CDC5L: variants seen among roughly 807,000 people sequenced by gnomAD.
CDC5L encodes the protein cell division cycle 5 like.
CDC5L carries 18 observed loss-of-function variants against 104.1 expected under a neutral mutation model. That is an observed-to-expected ratio of 0.17 (90% CI 0.12 to 0.26). The LOEUF (loss-of-function observed/expected upper bound fraction) is 0.26. Among genes scored for constraint, CDC5L ranks in the 10% least tolerant of loss-of-function variants. CDC5L has a pLI of 1.00. For synonymous variants in CDC5L, 331 were observed against 322.7 expected, an observed-to-expected ratio of 1.03 and a Z score of -0.28; for missense variants, 673 against 956.9, an observed-to-expected ratio of 0.70 and a Z score of 3.91.
chr6:44,433,537 A>G (rs1282649653), intron 14 of CDC5L, among the ~76,000 whole-genome samples: 7 of 152,210 alleles, frequency 4.6e-5, no homozygotes, highest in African/African-American at 2.4e-5. Flanking sequence ...GTGTTGAGGA[A>G]GTTTGGCTGA....
chr6:44,441,217 C>G (rs1043377111), intron 14 of CDC5L, among the ~76,000 whole-genome samples: 6 of 152,202 alleles, frequency 3.9e-5, no homozygotes, highest in Admixed American at 3.9e-4. Flanking sequence ...TTTCTAGATT[C>G]CATATACAAG....
chr6:44,396,583 G>T (rs1439329372), intron 5 of CDC5L, 143 bp downstream of exon 5: 3 of 583,134 alleles, frequency 5.1e-6, no homozygotes, highest in Non-Finnish European at 9.3e-6. Flanking sequence ...GCAGTGGATA[G>T]CTGGGTGTCC....
intron 7 of CDC5L, among the ~76,000 whole-genome samples, chr6:44,407,051 A>G (rs1270892238): frequency 6.6e-6 from 1 of 152,214 alleles, no homozygotes. Context: ...TTTGGTAAGT[A>G]ATTATCAGCT....
At chr6:44,437,405 C>A (rs1360832557) in intron 14 of CDC5L, among the ~76,000 whole-genome samples, 1 of 152,094 alleles carries the variant, frequency 6.6e-6, no homozygotes, top group Non-Finnish European at 1.5e-5. Flanking sequence ...ATATTAAAAG[C>A]TGTAGTCCAT....
rs1351330069 is a variant in CDC5L at position 44,426,542 on chromosome 6, A to G, written c.1711A>G (p.Ser571Gly). 6.2e-7 allele frequency: 1 copy of G among 1,604,312 alleles called. No individual in the cohort carries two copies. Among genetic ancestry groups the G allele is most frequent in the South Asian group, 1.1e-5 (1 of 90,858 alleles). The change falls in exon 13 of 16, where the codon AGT becomes GGT. Residue 571 changes from serine (S) to glycine (G), a missense_variant. Around this residue, in one of 4 missense-constraint regions of CDC5L, gnomAD observed 578 missense variants for 737.0 expected, o/e 0.78. Coordinates refer to ENST00000371477, the MANE Select transcript of CDC5L (RefSeq NM_001253.4). ...VEPPLTDLQK[S>G]EELIKKEMIT... ...ACCGCCTTTAACAGATTTACAGAAA[A>G]GTGAAGAACTAATCAAAAAAGAAAT...
In CDC5L at chr6:44,406,416, T is replaced by A; in HGVS notation, c.852T>A (p.Gly284=). 1 of 1,611,352 alleles carries A rather than the reference T, an allele frequency of 6.2e-7. No homozygotes were observed. Among genetic ancestry groups the A allele is most frequent in the Non-Finnish European group, 8.5e-7 (1 of 1,178,988 alleles). Residue 284 remains glycine, a synonymous_variant, in exon 7 of 16, where the codon GGT becomes GGA. Transcript: ENST00000371477. The stretch of plus-strand genomic sequence containing the variant: ...CATCAGCTATTCTTCAAACTAGTGG[T>A]GTTTCTGAATTTACTAAAAAGAGAA... ...DLPSAILQTS[G]VSEFTKKRSK...
At chr6:44,436,624 T>C (rs1358940411) in intron 14 of CDC5L, among the ~76,000 whole-genome samples, 1 of 152,224 alleles carries the variant, frequency 6.6e-6, no homozygotes, top group Non-Finnish European at 1.5e-5. Flanking sequence ...TTTTCAAATG[T>C]ACCCCAGAGT....
At chr6:44,429,283 G>A (rs1417325581) in intron 13 of CDC5L, among the ~76,000 whole-genome samples, 1 of 152,086 alleles carries the variant, frequency 6.6e-6, no homozygotes, top group Non-Finnish European at 1.5e-5. Context: ...GCCTCCCGAA[G>A]TGCTGGGATC....
At chr6:44,444,629 A>C (rs970787418) in intron 14 of CDC5L, among the ~76,000 whole-genome samples, 2 of 151,834 alleles carry the variant, frequency 1.3e-5, no homozygotes, top group African/African-American at 4.8e-5. Context: ...TTTTGGAGAG[A>C]AAATGAGAGC....
chr6:44,398,603 TATTG>T lies in CDC5L; in HGVS notation c.539+2167_539+2170del, dbSNP rs1172182503. ...TACCTTGTAACTTAAAGCAGTTTTT[TATTG>T]ATTATAAAAGTAACACATTTTTCCT... On this transcript the variant is annotated intron_variant, in intron 5 of 15. Coordinates refer to ENST00000371477, the MANE Select transcript of CDC5L (RefSeq NM_001253.4). Among the ~76,000 whole-genome samples, 5 of 152,220 alleles carry T rather than the reference TATTG, an allele frequency of 3.3e-5. 1 individual carries two copies. Among genetic ancestry groups the T allele is most frequent in the Admixed American group, 1.3e-4 (2 of 15,276 alleles).
At position 44,408,628 on chromosome 6, in the gene CDC5L, T is replaced by C. The variant is rs1441916334; in HGVS notation, c.1088T>C (p.Leu363Pro). Residue 363 changes from leucine to proline, a missense_variant, in exon 8 of 16, where the codon CTG becomes CCG. By Grantham distance (98) the Leu-to-Pro change is moderately conservative. This residue lies in a region of CDC5L where 578 missense variants were observed against 737.0 expected (regional missense o/e 0.78). Coordinates refer to ENST00000371477, the MANE Select transcript of CDC5L (RefSeq NM_001253.4). ...ACACCAGCTTCCCAGGACAGAATTCTGCAGGTAACGTGTCACGTAGTAGAA... is the reference window on the plus strand; with the variant it reads ...ACACCAGCTTCCCAGGACAGAATTCCGCAGGTAACGTGTCACGTAGTAGAA... ...PRTPASQDRILQEAQNLMALT... is the reference protein window; with the variant it reads ...PRTPASQDRIPQEAQNLMALT... 6.3e-7 allele frequency: 1 copy of C among 1,594,456 alleles called. No individual in the cohort carries two copies.
At chr6:44,435,253 C>CT in intron 14 of CDC5L, among the ~76,000 whole-genome samples, 1 of 151,580 alleles carries the variant, frequency 6.6e-6, no homozygotes, top group East Asian at 1.9e-4. Context: ...TAAGTGGAAC[C>CT]TTTTTTTCTG....
In CDC5L at chr6:44,387,749, G is replaced by T. The variant is rs941750324; in HGVS notation, c.-75G>T. 7.5e-7 allele frequency: 1 copy of T among 1,341,432 alleles called. No individual in the cohort carries two copies. 83.1% of individuals were successfully genotyped at this position (1,341,432 alleles called of 1,614,324 possible). ...CGCTTGGAGGAAGTGGCGGCTTTGA[G>T]TCCGGTGGCCCAATCGCTGTTACTA... On this transcript the variant is annotated 5_prime_UTR_variant, in exon 1 of 16. Transcript: ENST00000371477.
chr6:44,401,219 C>G (rs980914907), intron 5 of CDC5L, among the ~76,000 whole-genome samples: 2 of 152,162 alleles, frequency 1.3e-5, no homozygotes, highest in Admixed American at 6.5e-5. Context: ...CAGGACATGT[C>G]TCCAAGTGAC....
At chr6:44,419,112 T>C (rs1008763546) in intron 8 of CDC5L, among the ~76,000 whole-genome samples, 3 of 152,164 alleles carry the variant, frequency 2.0e-5, no homozygotes, top group African/African-American at 7.2e-5. Flanking sequence ...GGTTTTCTTC[T>C]AGGGTTTTTA....
At chr6:44,420,682 A>G (rs1050261357) in intron 9 of CDC5L, among the ~76,000 whole-genome samples, 1 of 152,128 alleles carries the variant, frequency 6.6e-6, no homozygotes, top group Non-Finnish European at 1.5e-5. Flanking sequence ...TTGAGCACCA[A>G]CATGACACTC....
At chr6:44,411,272 A>G (rs1047713032) in intron 8 of CDC5L, among the ~76,000 whole-genome samples, 2 of 152,062 alleles carry the variant, frequency 1.3e-5, no homozygotes, top group African/African-American at 4.8e-5. Context: ...CTGGAGGCTG[A>G]TCTGGCTGGG....
At chr6:44,443,528 A>G (rs1484371339) in intron 14 of CDC5L, among the ~76,000 whole-genome samples, 4 of 149,108 alleles carry the variant, frequency 2.7e-5, no homozygotes, top group African/African-American at 9.9e-5. Context: ...ACTCTTTTTC[A>G]TTATTTTTTC....
At chr6:44,437,314 GC>G (rs1467262811) in intron 14 of CDC5L, among the ~76,000 whole-genome samples, 1 of 152,168 alleles carries the variant, frequency 6.6e-6, no homozygotes, top group Non-Finnish European at 1.5e-5. Context: ...CATAGGTTGA[GC>G]ATTTTACAAA....
Sources: allele counts gnomAD v4.1 joint callset (sites outside exome capture counted in the v4.1 genomes callset), GRCh38; gene constraint gnomAD v4.1.1; regional missense constraint gnomAD v4.1.1; transcripts MANE v1.5; gene names NCBI Gene and HGNC (gene_info 2026-07-23, HGNC 2026-07-21).